ROBO1: variants seen among roughly 807,000 people sequenced by gnomAD.
The protein encoded by ROBO1 is roundabout guidance receptor 1.
ROBO1 carries 149 observed loss-of-function variants against 195.9 expected under a neutral mutation model. The ratio of observed to expected loss-of-function variants is 0.76; its 90% CI spans 0.67 to 0.87. ROBO1 has a LOEUF of 0.87. ROBO1 is among the 40% of genes least tolerant of loss of function. ROBO1 has a pLI of 0.00. For missense variants in ROBO1, 1,933 were observed against 2,068.3 expected, an observed-to-expected ratio of 0.93 and a Z score of 1.27; for synonymous variants, 816 against 733.2, an observed-to-expected ratio of 1.11 and a Z score of -1.82.
chr3:79,477,138 T>C (rs1277980746), intron 2 of ROBO1, among the ~76,000 whole-genome samples: 1 of 152,164 alleles, frequency 6.6e-6, no homozygotes, highest in Non-Finnish European at 1.5e-5. Context: ...GTACTGCTAA[T>C]ACTACTGTGG....
At chr3:79,706,601 G>T (rs1266304488) in intron 1 of ROBO1, among the ~76,000 whole-genome samples, 3 of 152,034 alleles carry the variant, frequency 2.0e-5, no homozygotes, top group Non-Finnish European at 4.4e-5. Context: ...GGCAGCAGGT[G>T]TTTTCCATGC....
At chr3:79,755,460 G>A (rs7618245) in intron 1 of ROBO1, among the ~76,000 whole-genome samples, 5,600 of 152,144 alleles carry the variant, frequency 0.037, 356 homozygotes, top group African/African-American at 0.13. Flanking sequence ...TGCCCTCTGC[G>A]TGTTAGATGA....
chr3:78,675,307 T>C (rs1708343510), intron 10 of ROBO1, among the ~76,000 whole-genome samples: 1 of 151,934 alleles, frequency 6.6e-6, no homozygotes, highest in East Asian at 1.9e-4. Context: ...GAGTGCCAGA[T>C]AGAGGGCGCC....
chr3:79,595,591 C>T (rs997373207), intron 1 of ROBO1, among the ~76,000 whole-genome samples: 2 of 151,642 alleles, frequency 1.3e-5, no homozygotes, highest in Non-Finnish European at 2.9e-5. Context: ...AAAAAGTGCT[C>T]TGCAAAACCA....
intron 20 of ROBO1, 22 bp from the exon 21 acceptor site, chr3:78,646,212 A>G: frequency 6.2e-7 from 1 of 1,603,466 alleles, no homozygotes; most frequent in Non-Finnish European, 8.5e-7. Context: ...CGAAAAAAAA[A>G]AGGAACAATT....
chr3:79,610,333 T>C (rs1298391069), intron 1 of ROBO1, among the ~76,000 whole-genome samples: 1 of 150,680 alleles, frequency 6.6e-6, no homozygotes, highest in African/African-American at 2.4e-5. Flanking sequence ...AGGATAAGTA[T>C]AATAATAAGA....
intron 4 of ROBO1, among the ~76,000 whole-genome samples, chr3:78,852,621 AG>A (rs1368938003): frequency 6.6e-6 from 1 of 152,180 alleles, no homozygotes; most frequent in Non-Finnish European, 1.5e-5. Flanking sequence ...AGCAATGAGA[AG>A]GAAGGCTCCT....
At chr3:78,602,346 C>T (rs1003670765) in intron 29 of ROBO1, among the ~76,000 whole-genome samples, 2 of 152,100 alleles carry the variant, frequency 1.3e-5, no homozygotes, top group Admixed American at 6.6e-5. Flanking sequence ...CTGCCTTCAC[C>T]TTCCGCCATG....
chr3:79,543,117 A>G (rs112045690), intron 2 of ROBO1, among the ~76,000 whole-genome samples: 3,053 of 152,184 alleles, frequency 0.02, 124 homozygotes, highest in African/African-American at 0.069. Flanking sequence ...TTCATCACAC[A>G]TGCAAGAGGG....
chr3:78,912,551 T>A (rs1189490545), intron 4 of ROBO1, among the ~76,000 whole-genome samples: 3 of 152,164 alleles, frequency 2.0e-5, no homozygotes, highest in African/African-American at 7.2e-5. Context: ...GAGATTAGCA[T>A]GGGAGACAGG....
At position 78,787,224 on chromosome 3, in the gene ROBO1, G is replaced by A. The variant is rs139451530; in HGVS notation, c.500-40324C>T. On this transcript the variant is annotated intron_variant, in intron 4 of 30. Transcript: ENST00000464233. Reference sequence around the variant, plus strand: ...AATTATTAAACATACTGTTTTGACTGTTTAATTCAGTAATCTATAATAACA... The same window carrying A: ...AATTATTAAACATACTGTTTTGACTATTTAATTCAGTAATCTATAATAACA... 3.0e-3 allele frequency among the ~76,000 whole-genome samples: 452 copies of A among 152,216 alleles called. 5 individuals are homozygous for A. The highest frequency in any genetic ancestry group is 1.0e-2 in the African/African-American group (414 of 41,522).
chr3:79,136,835 A>G (rs2080418837), intron 2 of ROBO1, among the ~76,000 whole-genome samples: 2 of 151,546 alleles, frequency 1.3e-5, no homozygotes, highest in African/African-American at 4.8e-5. Context: ...GATTGAGAGG[A>G]AAAAAAATCA....
chr3:79,225,829 A>G (rs962254000), intron 2 of ROBO1, among the ~76,000 whole-genome samples: 2 of 152,160 alleles, frequency 1.3e-5, no homozygotes, highest in African/African-American at 4.8e-5. Context: ...TAAAATAGCT[A>G]GCAATGGCTC....
intron 2 of ROBO1, among the ~76,000 whole-genome samples, chr3:79,153,520 C>G (rs1015588522): frequency 4.6e-5 from 7 of 151,354 alleles, no homozygotes; most frequent in Non-Finnish European, 8.9e-5. Flanking sequence ...TCTCTGAATC[C>G]AGAGCTCACA....
intron 4 of ROBO1, among the ~76,000 whole-genome samples, chr3:78,862,181 A>G (rs912003982): frequency 1.3e-5 from 2 of 152,086 alleles, no homozygotes; most frequent in African/African-American, 4.8e-5. Context: ...GGAAAAGGAG[A>G]AGTCAGAGAG....
At chr3:79,363,065 T>C (rs547513461) in intron 2 of ROBO1, among the ~76,000 whole-genome samples, 1 of 152,330 alleles carries the variant, frequency 6.6e-6, no homozygotes, top group Admixed American at 6.5e-5. Context: ...AGCTTTCATA[T>C]GTTCTAAATG....
intron 1 of ROBO1, among the ~76,000 whole-genome samples, chr3:79,753,428 G>A (rs544484348): frequency 5.9e-5 from 9 of 152,274 alleles, no homozygotes; most frequent in African/African-American, 2.2e-4. Flanking sequence ...TTGAACCTAA[G>A]CTCTGCCATG....
At chr3:79,119,545 T>G (rs2080077499) in intron 3 of ROBO1, among the ~76,000 whole-genome samples, 1 of 152,190 alleles carries the variant, frequency 6.6e-6, no homozygotes, top group Admixed American at 6.5e-5. Context: ...CATTTATATT[T>G]ATTTCCCAGA....
At chr3:79,439,672 A>G (rs1017368641) in intron 2 of ROBO1, among the ~76,000 whole-genome samples, 4 of 152,232 alleles carry the variant, frequency 2.6e-5, no homozygotes, top group African/African-American at 9.6e-5. Flanking sequence ...TCACATACAT[A>G]GTTTTCAAAT....
Sources: gnomAD v4.1 joint callset for allele counts (sites outside exome capture counted in the v4.1 genomes callset) on GRCh38, gnomAD v4.1.1 for gene constraint, MANE v1.5 for transcripts, NCBI Gene and HGNC (gene_info 2026-07-23, HGNC 2026-07-21) for gene names.